The following PLCG2 variants were observed in gnomAD, a reference collection of about 807,000 sequenced individuals.
The protein encoded by PLCG2 is phospholipase C gamma 2.
Under a neutral mutation model 175.6 loss-of-function variants are expected in PLCG2, and 69 were observed. The ratio of observed to expected loss-of-function variants is 0.39; its 90% CI spans 0.32 to 0.48. The LOEUF is 0.48. PLCG2 is among the 20% of genes least tolerant of loss of function. PLCG2 has a pLI of 0.91. For synonymous variants in PLCG2, 827 were observed against 624.0 expected (o/e 1.33, Z -4.85); for missense variants, 1,798 against 1,650.9 (o/e 1.09, Z -1.54).
chr16:81,937,862 C>G lies in PLCG2; in HGVS notation c.3157C>G (p.Pro1053Ala). The G allele has an allele frequency of 6.2e-7, 1 of 1,614,130 alleles. No homozygotes were observed. Reference sequence around the variant, plus strand: ...GACAGAGAAATATGACCCGATGCCACCCGAGTCCCAGAGGAAGATCCTGAT... The same window carrying G: ...GACAGAGAAATATGACCCGATGCCAGCCGAGTCCCAGAGGAAGATCCTGAT... The part of the protein sequence containing the change: ...MRTEKYDPMP[P>A]ESQRKILMTL... Residue 1053 changes from proline to alanine, a missense_variant, in exon 28 of 33, where the codon CCC (proline) becomes GCC (alanine). Coordinates refer to ENST00000564138, the MANE Select transcript of PLCG2 (RefSeq NM_002661.5).
At chr16:81,945,802 G>T (rs1029576476) in intron 30 of PLCG2, among the ~76,000 whole-genome samples, 2 of 152,202 alleles carry the variant, frequency 1.3e-5, no homozygotes, top group African/African-American at 4.8e-5. Context: ...GCTGTAAGTG[G>T]AGGAAATGGA....
chr16:81,866,185 C>G (rs546160382), intron 5 of PLCG2, among the ~76,000 whole-genome samples: 17 of 119,200 alleles, frequency 1.4e-4, no homozygotes, highest in Non-Finnish European at 2.7e-4. Context: ...CTCCCTTGCT[C>G]CCAGGATGAG....
chr16:81,902,599 G>C (rs1170751387), intron 14 of PLCG2, among the ~76,000 whole-genome samples: 3 of 152,004 alleles, frequency 2.0e-5, no homozygotes, highest in African/African-American at 7.3e-5. Flanking sequence ...ATTCACTGGA[G>C]CTCTACTCTC....
chr16:81,940,087 G>T (rs549057356), intron 30 of PLCG2, 28 bp downstream of exon 30: 2 of 1,581,442 alleles, frequency 1.3e-6, no homozygotes, highest in African/African-American at 1.3e-5. Flanking sequence ...TAAGATGTTC[G>T]ATTTGGGCTG....
chr16:81,799,204 G>A (rs1345434131), intron 2 of PLCG2, among the ~76,000 whole-genome samples: 1 of 152,112 alleles, frequency 6.6e-6, no homozygotes, highest in East Asian at 1.9e-4. Flanking sequence ...CTACTTCTGG[G>A]TGAGAAAAAC....
At chr16:81,932,965 C>A (rs923796378) in intron 25 of PLCG2, among the ~76,000 whole-genome samples, 2 of 152,230 alleles carry the variant, frequency 1.3e-5, no homozygotes, top group Non-Finnish European at 2.9e-5. Context: ...GGAGGTGCCA[C>A]GACCCTGAGG....
At chr16:81,923,874 C>G (rs1162685666) in intron 22 of PLCG2, among the ~76,000 whole-genome samples, 1 of 152,200 alleles carries the variant, frequency 6.6e-6, no homozygotes, top group Non-Finnish European at 1.5e-5. Flanking sequence ...TTCTAAGTGG[C>G]AAGCAGTCTG....
Position 81,959,301 on chromosome 16 carries a change from C to T in PLCG2, c.*1303C>T, listed in dbSNP as rs4286103. The stretch of plus-strand genomic sequence containing the variant: ...CCCATCTGACCCTCCTCTTGTTACC[C>T]GAAATGCTGGGCTTAGTATGCATGT... On this transcript the variant is annotated 3_prime_UTR_variant, in exon 33 of 33. Transcript: ENST00000564138. The T allele has an allele frequency of 0.71, 157,930 of 222,394 alleles. 56,858 individuals carry two copies. Among genetic ancestry groups the T allele is most frequent in the South Asian group, 0.76 (4,153 of 5,444 alleles). 13.8% of individuals were successfully genotyped at this position (222,394 alleles called of 1,614,324 possible).
intron 2 of PLCG2, among the ~76,000 whole-genome samples, chr16:81,838,778 A>AAT (rs10549962): frequency 0.012 from 1,677 of 141,614 alleles, 8 homozygotes; most frequent in Non-Finnish European, 0.016. Flanking sequence ...AGTAAAATTA[A>AAT]ATATATATAT....
rs374332476 is a variant in PLCG2 at position 81,935,709 on chromosome 16, T to C, written c.2843-460T>C. ...GCCTGTCCCCTTCCCTCTCCTCCTG[T>C]TCTCCCTTCCCTGCACAGGCACCCA... On this transcript the variant is annotated intron_variant, in intron 26 of 32. Coordinates refer to ENST00000564138, the MANE Select transcript of PLCG2 (RefSeq NM_002661.5). 9.3e-5 allele frequency: 92 copies of C among 985,328 alleles called. No individual in the cohort carries two copies. In the African/African-American group the frequency reaches 1.4e-3, roughly 15 times the overall value. The allele number at this position is 985,328 out of a possible 1,614,324, so 61.0% of individuals were successfully genotyped here. A position where few individuals can be genotyped will look rare whatever the true frequency, so the allele number is the denominator to read the frequency against.
chr16:81,760,676 C>G (rs112147799), intron 2 of PLCG2, among the ~76,000 whole-genome samples: 3,542 of 149,636 alleles, frequency 0.024, 134 homozygotes, highest in African/African-American at 0.082. Context: ...TTTGGGAGGT[C>G]AAGGTGGGAG....
Position 81,908,548 on chromosome 16 carries a change from C to T in PLCG2, c.1690C>T (p.Arg564Trp). The change falls in exon 17 of 33, where the codon CGG (arginine) becomes TGG (tryptophan). Residue 564 changes from arginine to tryptophan, a missense_variant. Arg to Trp is a moderately radical substitution (Grantham distance 101). Coordinates refer to ENST00000564138, the MANE Select transcript of PLCG2 (RefSeq NM_002661.5). ...GGGCAAGGATGGCACCTTCCTGGTTCGGGAGAGCGAGACCTTCCCCAATGA... is the reference window on the plus strand; with the variant it reads ...GGGCAAGGATGGCACCTTCCTGGTTTGGGAGAGCGAGACCTTCCCCAATGA... Reference protein sequence around the residue: ...TGGKDGTFLVRESETFPNDYT... With the variant: ...TGGKDGTFLVWESETFPNDYT... 2 of 1,612,954 alleles carry T rather than the reference C, an allele frequency of 1.2e-6. No individual in the cohort carries two copies. The highest frequency in any genetic ancestry group is 1.1e-5 in the South Asian group (1 of 91,008).
At chr16:81,871,434 G>A (rs1218996467) in intron 7 of PLCG2, among the ~76,000 whole-genome samples, 2 of 152,174 alleles carry the variant, frequency 1.3e-5, no homozygotes. Context: ...TGCCTCCCGG[G>A]TTCAAGCGAT....
intron 15 of PLCG2, 132 bp downstream of exon 15, chr16:81,905,639 A>G: frequency 3.1e-6 from 2 of 637,050 alleles, no homozygotes; most frequent in Non-Finnish European, 5.7e-6. Context: ...TGCCATGTGA[A>G]TTTACCTTCC....
At chr16:81,889,319 G>A (rs1908523208) in intron 10 of PLCG2, 46 bp downstream of exon 10, 1 of 1,013,618 alleles carries the variant, frequency 9.9e-7, no homozygotes, top group African/African-American at 1.6e-5. Flanking sequence ...CTTTTTGATT[G>A]ATGTCTGTGC....
rs571823375 is a variant in PLCG2, at chr16:81,810,591, A to G, written c.193+24409A>G. Among the ~76,000 whole-genome samples, 110 of 151,566 alleles carry G rather than the reference A, an allele frequency of 7.3e-4. 1 individual carries two copies. The highest frequency in any genetic ancestry group is 1.4e-3 in the Non-Finnish European group (93 of 67,968). On this transcript the variant is annotated intron_variant, in intron 2 of 32. Coordinates refer to ENST00000564138, the MANE Select transcript of PLCG2 (RefSeq NM_002661.5). Reference sequence around the variant, plus strand: ...TTCCTGTTTTAGCTTTCTTTTTGCAAACAGGTGTCCTTTCTGCCGTCCACT... The same window carrying G: ...TTCCTGTTTTAGCTTTCTTTTTGCAGACAGGTGTCCTTTCTGCCGTCCACT...
At chr16:81,920,585 T>C (rs1217070001) in intron 20 of PLCG2, among the ~76,000 whole-genome samples, 1 of 151,880 alleles carries the variant, frequency 6.6e-6, no homozygotes, top group Admixed American at 6.6e-5. Flanking sequence ...GTGAATGGGA[T>C]CTGGGGAGAA....
intron 12 of PLCG2, 79 bp downstream of exon 12, chr16:81,893,873 G>A (rs546352668): frequency 1.1e-4 from 96 of 883,766 alleles, no homozygotes; most frequent in Admixed American, 5.4e-4. Context: ...GTTTTCTTTC[G>A]AATTGTAAAA....
intron 2 of PLCG2, among the ~76,000 whole-genome samples, chr16:81,769,835 A>G (rs1384997146): frequency 2.1e-5 from 3 of 139,764 alleles, no homozygotes; most frequent in East Asian, 2.1e-4. Context: ...AAAAAAAAAA[A>G]AAAAAAAAAA....
Sources: gnomAD v4.1 joint callset for allele counts (sites outside exome capture counted in the v4.1 genomes callset) on GRCh38, gnomAD v4.1.1 for gene constraint, MANE v1.5 for transcripts, NCBI Gene and HGNC (gene_info 2026-07-23, HGNC 2026-07-21) for gene names.